Variants in STARD3NL observed in about 807,000 individuals in gnomAD.
STARD3NL encodes STARD3 N-terminal-like protein.
Under a neutral mutation model 30.9 loss-of-function variants are expected in STARD3NL, and 17 were observed. The observed-to-expected ratio is 0.55, with a 90% CI of 0.38 to 0.82. The LOEUF (loss-of-function observed/expected upper bound fraction) is 0.82, where lower values mean the gene tolerates loss of function less well. STARD3NL is among the 40% of genes least tolerant of loss of function. The pLI, the probability that STARD3NL is intolerant of heterozygous loss-of-function variation, is 0.00. For synonymous variants in STARD3NL, 112 were observed against 100.5 expected, an observed-to-expected ratio of 1.11 and a Z score of -0.69; for missense variants, 234 against 277.6, an observed-to-expected ratio of 0.84 and a Z score of 1.12.
Position 38,194,576 on chromosome 7 carries a change from C to A in STARD3NL, c.-58-12871C>A, listed in dbSNP as rs370292866. On this transcript the variant is annotated intron_variant, in intron 1 of 8. Coordinates refer to ENST00000009041, the MANE Select transcript of STARD3NL (RefSeq NM_032016.4). ...TTAAGGTAGTGATTTTGATAGTAAGCCCAAGTTTACAGCTTTCCATTGTTT... is the reference window on the plus strand; with the variant it reads ...TTAAGGTAGTGATTTTGATAGTAAGACCAAGTTTACAGCTTTCCATTGTTT... Among the ~76,000 whole-genome samples, 6 of 152,144 alleles carry A rather than the reference C, an allele frequency of 3.9e-5. No individual in the cohort carries two copies. The East Asian group carries it at 9.6e-4, about 24-fold the overall frequency.
chr7:38,202,822 T>C (rs1211934959), intron 1 of STARD3NL, among the ~76,000 whole-genome samples: 26 of 148,122 alleles, frequency 1.8e-4, no homozygotes, highest in East Asian at 2.0e-4. Flanking sequence ...GAACATGCGG[T>C]GTTTGGTTTT....
At chr7:38,188,207 C>G (rs917410673) in intron 1 of STARD3NL, among the ~76,000 whole-genome samples, 4 of 152,200 alleles carry the variant, frequency 2.6e-5, no homozygotes, top group Admixed American at 2.6e-4. Flanking sequence ...AAGGCCCAGC[C>G]CTTTGTTAAC....
chr7:38,212,349 C>T (rs890421486), intron 2 of STARD3NL, among the ~76,000 whole-genome samples: 13 of 152,114 alleles, frequency 8.5e-5, no homozygotes, highest in African/African-American at 3.1e-4. Flanking sequence ...GTTGTTTCTT[C>T]TATATGAAAT....
chr7:38,201,794 T>C (rs1478427710), intron 1 of STARD3NL: 3 of 152,298 alleles, frequency 2.0e-5, no homozygotes, highest in African/African-American at 7.2e-5. Context: ...TTCAAGTGAT[T>C]CTCCTGCCTC....
chr7:38,191,693 A>G (rs1030328019), intron 1 of STARD3NL, among the ~76,000 whole-genome samples: 2 of 152,170 alleles, frequency 1.3e-5, no homozygotes, highest in African/African-American at 4.8e-5. Context: ...TGAAATGACC[A>G]TATATGTGTG....
intron 1 of STARD3NL, among the ~76,000 whole-genome samples, chr7:38,202,919 C>T (rs1359573067): frequency 6.6e-6 from 1 of 151,942 alleles, no homozygotes; most frequent in East Asian, 1.9e-4. Context: ...TTTTTTATGG[C>T]TGCATAGTAT....
chr7:38,227,136 T>C (rs1786816662), intron 7 of STARD3NL, among the ~76,000 whole-genome samples: 1 of 152,252 alleles, frequency 6.6e-6, no homozygotes, highest in African/African-American at 2.4e-5. Flanking sequence ...TTTTAAAATA[T>C]GTAAAGAAGA....
At chr7:38,220,708 T>TC (rs771337810) in intron 7 of STARD3NL, among the ~76,000 whole-genome samples, 4 of 152,234 alleles carry the variant, frequency 2.6e-5, no homozygotes, top group Admixed American at 2.0e-4. Flanking sequence ...ATAGCAGCAT[T>TC]ATTCACAGTA....
At chr7:38,223,141 TGAAAA>T (rs1269597815) in intron 7 of STARD3NL, among the ~76,000 whole-genome samples, 6 of 151,926 alleles carry the variant, frequency 3.9e-5, no homozygotes, top group Non-Finnish European at 7.4e-5. Flanking sequence ...AAGAAAGGGA[TGAAAA>T]GAAAAGGGAA....
intron 2 of STARD3NL, among the ~76,000 whole-genome samples, chr7:38,212,370 C>A (rs1583814493): frequency 6.6e-6 from 1 of 152,222 alleles, no homozygotes. Flanking sequence ...GATTAATTTC[C>A]TTTATCTTTT....
chr7:38,219,638 T>G lies in STARD3NL; in HGVS notation c.627T>G (p.Tyr209Ter). The G allele has an allele frequency of 6.2e-7, 1 of 1,612,842 alleles. No individual in the cohort carries two copies. The highest frequency in any genetic ancestry group is 8.5e-7 in the Non-Finnish European group (1 of 1,179,032). Residue 209 changes from tyrosine (Y) to a stop codon, truncating the protein, a stop_gained, in exon 7 of 9, where the codon TAT becomes TAG. Transcript: ENST00000009041. LOFTEE classifies it high-confidence loss of function. ...GTGGTCTTTCTGATGGTCAGTTTTA[T>G]TCCCCTCCTGAATCCGAAGCAGGTA... ...IPGGLSDGQF[Y>*]SPPESEAGSE...
rs144473137 is a variant in STARD3NL, at chr7:38,207,584, C to A, written c.80C>A (p.Ser27Tyr). The A allele has an allele frequency of 1.9e-6, 3 of 1,613,920 alleles. No homozygotes were observed. Among genetic ancestry groups the A allele is most frequent in the Non-Finnish European group, 2.5e-6 (3 of 1,179,962 alleles). The change falls in exon 2 of 9, where the codon TCC (serine) becomes TAC (tyrosine). Residue 27 changes from serine to tyrosine, a missense_variant. Physicochemically the swap from Ser to Tyr is moderately radical, Grantham distance 144. Coordinates refer to ENST00000009041, the MANE Select transcript of STARD3NL (RefSeq NM_032016.4). The stretch of plus-strand genomic sequence containing the variant: ...CATGCTTCTCTGCGCAATATCCATT[C>A]CATCAACCCCACACAACTCATGGCC... ...SSHASLRNIH[S>Y]INPTQLMARI... is the part of the protein sequence containing the mutation.
chr7:38,219,302 C>T (rs965303136), intron 6 of STARD3NL, among the ~76,000 whole-genome samples: 1 of 152,158 alleles, frequency 6.6e-6, no homozygotes, highest in African/African-American at 2.4e-5. Context: ...CATCCTTGGC[C>T]TCCCAGAGTG....
At chr7:38,196,731 T>C (rs1414419392) in intron 1 of STARD3NL, among the ~76,000 whole-genome samples, 3 of 152,338 alleles carry the variant, frequency 2.0e-5, no homozygotes, top group Admixed American at 6.5e-5. Context: ...TTGAGATGAC[T>C]GGTTTTTACC....
chr7:38,189,946 G>A (rs1173563290), intron 1 of STARD3NL, among the ~76,000 whole-genome samples: 3 of 152,114 alleles, frequency 2.0e-5, no homozygotes, highest in Non-Finnish European at 2.9e-5. Flanking sequence ...GAGGATGTTT[G>A]GTTTGTCTTT....
chr7:38,192,096 A>G (rs1339306976), intron 1 of STARD3NL, among the ~76,000 whole-genome samples: 1 of 152,136 alleles, frequency 6.6e-6, no homozygotes, highest in Non-Finnish European at 1.5e-5. Context: ...GCAATATTGC[A>G]TATCTTTTAT....
At chr7:38,206,535 G>A (rs116038821) in intron 1 of STARD3NL, among the ~76,000 whole-genome samples, 2,287 of 152,190 alleles carry the variant, frequency 0.015, 63 homozygotes, top group African/African-American at 0.052. Flanking sequence ...TATTATAAAA[G>A]TGCCCTCTGG....
chr7:38,229,708 A>C (rs998704476), intron 8 of STARD3NL, among the ~76,000 whole-genome samples: 12 of 152,186 alleles, frequency 7.9e-5, no homozygotes, highest in African/African-American at 2.9e-4. Context: ...CACCACAGTC[A>C]TGTAGACGCG....
intron 1 of STARD3NL, among the ~76,000 whole-genome samples, chr7:38,182,765 G>A (rs1784302089): frequency 6.6e-6 from 1 of 152,182 alleles, no homozygotes; most frequent in South Asian, 2.1e-4. Flanking sequence ...ACAGGCATGG[G>A]TATGGAATCA....
Sources: allele counts gnomAD v4.1 joint callset (sites outside exome capture counted in the v4.1 genomes callset), GRCh38; gene constraint gnomAD v4.1.1; transcripts MANE v1.5; gene names NCBI Gene and HGNC (gene_info 2026-07-23, HGNC 2026-07-21).